GRK4: variants seen among roughly 807,000 people sequenced by gnomAD.
GRK4 encodes G protein-coupled receptor kinase 2-like.
A neutral mutation model predicts 77.9 loss-of-function variants in GRK4; 73 were observed. The observed-to-expected ratio is 0.94, with a 90% confidence interval of 0.78 to 1.14. The LOEUF is 1.14. GRK4 is among the 50% of genes most tolerant of loss of function. The probability of loss-of-function intolerance (pLI) is 0.00; values close to 1 mark genes in which losing one functional copy is unlikely to be tolerated. For synonymous variants in GRK4, 257 were observed against 254.4 expected, an observed-to-expected ratio of 1.01 and a Z score of -0.10; for missense variants, 729 against 700.2, an observed-to-expected ratio of 1.04 and a Z score of -0.46.
intron 10 of GRK4, among the ~76,000 whole-genome samples, chr4:3,023,320 A>C (rs1012729821): frequency 1.3e-5 from 2 of 152,180 alleles, no homozygotes; most frequent in African/African-American, 4.8e-5. Flanking sequence ...GGTTGTGCTC[A>C]CACATAGCTC....
intron 1 of GRK4, among the ~76,000 whole-genome samples, chr4:2,969,724 G>A (rs909805608): frequency 1.3e-5 from 2 of 151,604 alleles, no homozygotes; most frequent in African/African-American, 2.4e-5. Context: ...CCGCTGGAGT[G>A]CAGGTGGGGA....
At chr4:2,998,264 G>A (rs1299821791) in intron 4 of GRK4, among the ~76,000 whole-genome samples, 1 of 151,776 alleles carries the variant, frequency 6.6e-6, no homozygotes, top group Non-Finnish European at 1.5e-5. Flanking sequence ...AGCTGAGGCA[G>A]GAGAATTGCT....
chr4:3,030,290 T>C (rs1578375613), intron 12 of GRK4, among the ~76,000 whole-genome samples: 1 of 152,194 alleles, frequency 6.6e-6, no homozygotes, highest in Non-Finnish European at 1.5e-5. Flanking sequence ...GGTCCCAGAA[T>C]GAGCCAGTGG....
chr4:2,986,850 T>C (rs1724541104), intron 2 of GRK4: 1 of 343,644 alleles, frequency 2.9e-6, no homozygotes, highest in South Asian at 2.2e-5. Context: ...AAGTATTATA[T>C]TTATAAAAAT....
chr4:3,023,352 CT>C, intron 10 of GRK4, among the ~76,000 whole-genome samples: 1 of 152,192 alleles, frequency 6.6e-6, no homozygotes, highest in East Asian at 1.9e-4. Flanking sequence ...TGGGAGAGAG[CT>C]TCTTTCAAGT....
At chr4:3,005,193 G>T (rs1028384795) in intron 5 of GRK4, among the ~76,000 whole-genome samples, 1 of 151,990 alleles carries the variant, frequency 6.6e-6, no homozygotes, top group East Asian at 1.9e-4. Context: ...AGGTGATCAG[G>T]CCCAAAATCT....
At chr4:2,973,862 G>A (rs1331094457) in intron 1 of GRK4, among the ~76,000 whole-genome samples, 1 of 152,124 alleles carries the variant, frequency 6.6e-6, no homozygotes, top group Non-Finnish European at 1.5e-5. Context: ...AGTGAAAGCC[G>A]TAGTCTCTGC....
chr4:3,010,982 C>G (rs1313141648), intron 7 of GRK4, among the ~76,000 whole-genome samples: 1 of 152,164 alleles, frequency 6.6e-6, no homozygotes, highest in African/African-American at 2.4e-5. Flanking sequence ...AATATTTTGC[C>G]TAATCCAATC....
chr4:2,996,587 C>T (rs1282638073), intron 4 of GRK4, among the ~76,000 whole-genome samples: 1 of 152,048 alleles, frequency 6.6e-6, no homozygotes, highest in Non-Finnish European at 1.5e-5. Flanking sequence ...AATGGTCCTA[C>T]CTCCCAATAC....
chr4:2,982,326 C>G (rs1177905694), intron 1 of GRK4, among the ~76,000 whole-genome samples: 1 of 152,242 alleles, frequency 6.6e-6, no homozygotes, highest in Admixed American at 6.5e-5. Context: ...AGCACTGGTT[C>G]TAAGCCTACA....
chr4:3,027,943 C>T lies in GRK4; in HGVS notation c.1002C>T (p.Ala334=), dbSNP rs377190005. 1 of 1,614,084 alleles carries T rather than the reference C, an allele frequency of 6.2e-7. No individual in the cohort carries two copies. Among genetic ancestry groups the T allele is most frequent in the Admixed American group, 1.7e-5 (1 of 60,008 alleles). Residue 334 remains alanine (A), a synonymous_variant, in exon 11 of 16, where the codon GCC becomes GCT. Coordinates refer to ENST00000398052, the MANE Select transcript of GRK4 (RefSeq NM_182982.3). ...GHIRISDLGL[A]TEIPEGQRVR... is the part of the protein sequence containing the mutation. ...TCCGGATTTCAGACCTCGGTTTGGC[C>T]ACAGAGATCCCAGAAGGACAGAGGG...
intron 6 of GRK4, 144 bp downstream of exon 6, chr4:3,007,972 C>T: frequency 1.9e-6 from 1 of 525,680 alleles, no homozygotes. Flanking sequence ...CTGTGAATAG[C>T]CACTGCACTC....
rs1392658481 is a variant in GRK4, at chr4:2,971,234, A to G, written c.52+7112A>G. On this transcript the variant is annotated intron_variant, in intron 1 of 15. Transcript: ENST00000398052. ...TCTCCAGTAAATATGTGGTTAATTGATATGCAAATTACTTCCAAAGTACAA... is the reference window on the plus strand; with the variant it reads ...TCTCCAGTAAATATGTGGTTAATTGGTATGCAAATTACTTCCAAAGTACAA... 4 of 152,214 alleles carry G rather than the reference A, an allele frequency of 2.6e-5. No homozygotes were observed. The East Asian group carries it at 7.7e-4, about 29-fold the overall frequency. The allele number at this position is 152,214 out of a possible 1,614,324, so 9.4% of individuals were successfully genotyped here.
intron 1 of GRK4, chr4:2,965,491 G>T (rs778987986): frequency 5.7e-6 from 4 of 702,710 alleles, no homozygotes; most frequent in Non-Finnish European, 7.8e-6. Flanking sequence ...CTCGGACTGT[G>T]CTCCAGGACA....
chr4:3,005,048 CAA>C (rs1730903100), intron 5 of GRK4, among the ~76,000 whole-genome samples: 1 of 151,742 alleles, frequency 6.6e-6, no homozygotes. Context: ...GTGTCTAGGA[CAA>C]AAAGATTTTT....
chr4:3,036,080 C>G (rs562291129), intron 13 of GRK4, among the ~76,000 whole-genome samples: 4 of 152,264 alleles, frequency 2.6e-5, no homozygotes, highest in African/African-American at 7.2e-5. Context: ...CTTGACCTCC[C>G]AGAATGCTGG....
At chr4:3,030,597 C>T (rs1160637921) in intron 12 of GRK4, among the ~76,000 whole-genome samples, 5 of 151,952 alleles carry the variant, frequency 3.3e-5, no homozygotes, top group South Asian at 2.1e-4. Flanking sequence ...GGGGAGGACC[C>T]GCACTCTGGA....
At chr4:2,987,061 AT>A in intron 2 of GRK4, 1 of 491,862 alleles carries the variant, frequency 2.0e-6, no homozygotes, top group East Asian at 5.5e-5. Flanking sequence ...ATTTGACAGC[AT>A]TTTCAGCACC....
chr4:3,029,178 C>A (rs1738444566), intron 11 of GRK4, 23 bp from the exon 12 acceptor site: 1 of 1,554,690 alleles, frequency 6.4e-7, no homozygotes, highest in East Asian at 2.2e-5. Context: ...ACTTAATTTC[C>A]ATTTCCTGTA....
Sources: gnomAD v4.1 joint callset for allele counts (sites outside exome capture counted in the v4.1 genomes callset) on GRCh38, gnomAD v4.1.1 for gene constraint, MANE v1.5 for transcripts, NCBI Gene and HGNC (gene_info 2026-07-23, HGNC 2026-07-21) for gene names.